The following DHPS variants were observed in gnomAD, a reference collection of about 807,000 sequenced individuals.
The protein encoded by DHPS is migration-inducing gene 13.
In DHPS, 24 loss-of-function variants were observed where a neutral mutation model predicts 38.7. That is an observed-to-expected ratio of 0.62 (90% CI 0.45 to 0.87). The LOEUF is 0.87. Ranked by LOEUF, DHPS falls within the 40% of genes least tolerant of loss-of-function variation. The pLI, the probability that DHPS is intolerant of heterozygous loss-of-function variation, is 0.00. For missense variants in DHPS, 510 were observed against 497.6 expected (o/e 1.02, Z -0.24); for synonymous variants, 250 against 204.4 (o/e 1.22, Z -1.90).
rs929374881 is a variant in DHPS at position 12,679,389 on chromosome 19, G to C, written c.678+68C>G. 3.5e-6 allele frequency: 5 copies of C among 1,411,798 alleles called. No individual in the cohort carries two copies. The East Asian group carries it at 1.1e-4, about 32-fold the overall frequency. The allele number at this position is 1,411,798 out of a possible 1,614,324, so 87.5% of individuals were successfully genotyped here. A position where few individuals can be genotyped will look rare whatever the true frequency, so the allele number is the denominator to read the frequency against. ...GAATAACAGTACTGAATCCCCAGGA[G>C]GCTGGAAAGATGAAATAAGTTAACA... On this transcript the variant is annotated intron_variant, in intron 5 of 8. Transcript: ENST00000210060.
chr19:12,680,573 A>AT (rs1279845259), intron 1 of DHPS, among the ~76,000 whole-genome samples: 5 of 137,430 alleles, frequency 3.6e-5, no homozygotes, highest in African/African-American at 1.4e-4. Context: ...CACTCTTGTT[A>AT]CCCAGGCTAG....
At chr19:12,681,093 A>T in intron 1 of DHPS, 1 of 1,262,436 alleles carries the variant, frequency 7.9e-7, no homozygotes, top group Non-Finnish European at 1.0e-6. Context: ...CGGCTTCCCA[A>T]AATGCTGGGA....
At position 12,675,962 on chromosome 19, in the gene DHPS, T is replaced by C. The variant is rs371183613; in HGVS notation, c.1015-29A>G. 1.5e-5 allele frequency: 24 copies of C among 1,603,412 alleles called. No homozygotes were observed. The East Asian group carries it at 3.1e-4, about 21-fold the overall frequency. ...GGTAGGGGGGAACCTGGGTAAGCCA[T>C]GGGACCCACACTCATCGTCCCAGAG... On this transcript the variant is annotated intron_variant, in intron 8 of 8. Coordinates refer to ENST00000210060, the MANE Select transcript of DHPS (RefSeq NM_001930.4).
intron 4 of DHPS, 23 bp from the exon 5 acceptor site, chr19:12,679,566 G>C (rs1204774186): frequency 1.2e-6 from 2 of 1,614,102 alleles, no homozygotes; most frequent in Non-Finnish European, 1.7e-6. Context: ...GTGACCTTCA[G>C]GCCATGCCTC....
At chr19:12,676,795 G>A (rs1237647928) in intron 7 of DHPS, 6 of 405,498 alleles carry the variant, frequency 1.5e-5, no homozygotes, top group East Asian at 5.2e-5. Flanking sequence ...CTCCTGGCAC[G>A]GGAGACAACC....
intron 7 of DHPS, 54 bp from the exon 8 acceptor site, chr19:12,676,196 C>CAG (rs201984417): frequency 1.9e-6 from 3 of 1,557,846 alleles, no homozygotes; most frequent in African/African-American, 1.4e-5. Flanking sequence ...AGGAGACAGA[C>CAG]ACAGAGGGAG....
chr19:12,678,482 T>G (rs569109143), intron 5 of DHPS, among the ~76,000 whole-genome samples: 1 of 149,766 alleles, frequency 6.7e-6, no homozygotes, highest in Non-Finnish European at 1.5e-5. Flanking sequence ...AAAGAAAGAG[T>G]AAGTAGGCTG....
At chr19:12,681,049 G>A (rs1003651932) in intron 1 of DHPS, 2 of 1,038,914 alleles carry the variant, frequency 1.9e-6, no homozygotes, top group Admixed American at 2.8e-5. Context: ...GGCCAGGCTT[G>A]TCTCGAACTC....
intron 1 of DHPS, 95 bp downstream of exon 1, chr19:12,681,465 A>G: frequency 7.2e-7 from 1 of 1,394,754 alleles, no homozygotes; most frequent in Non-Finnish European, 9.9e-7. Context: ...TAAAAGACAT[A>G]TCCCCTCCAC....
chr19:12,681,463 A>G, intron 1 of DHPS, 97 bp downstream of exon 1: 1 of 1,385,854 alleles, frequency 7.2e-7, no homozygotes, highest in East Asian at 2.4e-5. Context: ...AATAAAAGAC[A>G]TATCCCCTCC....
In DHPS at chr19:12,675,927, C is replaced by T. The variant is rs532677547; in HGVS notation, c.1021G>A (p.Ala341Thr). Reference protein sequence around the residue: ...RVDAQPVKVYADASLVFPLLV... With the variant: ...RVDAQPVKVYTDASLVFPLLV... ...AGGGGGAAGACCAGGGAGGCGTCAG[C>T]ATAGACCTGGGTAGGGGGGAACCTG... Residue 341 changes from alanine to threonine, a missense_variant, in exon 9 of 9, where the codon GCT (alanine) becomes ACT (threonine). Physicochemically the swap from Ala to Thr is moderately conservative, Grantham distance 58. Transcript: ENST00000210060. The T allele has an allele frequency of 5.0e-6, 8 of 1,606,978 alleles. No homozygotes were observed. In the South Asian group the frequency reaches 7.8e-5, roughly 16 times the overall value.
downstream of DHPS, among the ~76,000 whole-genome samples, chr19:12,674,867 G>A (rs1158292605): frequency 6.6e-6 from 1 of 152,150 alleles, no homozygotes; most frequent in East Asian, 1.9e-4. Flanking sequence ...TGTAATCCCA[G>A]CACTTTGGGA....
At position 12,679,845 on chromosome 19, in the gene DHPS, C is replaced by T; in HGVS notation, c.450G>A (p.Glu150=). Residue 150 remains glutamate (E), a synonymous_variant, in exon 3 of 9, where the codon GAG becomes GAA. Coordinates refer to ENST00000210060, the MANE Select transcript of DHPS (RefSeq NM_001930.4). ...IKCLAPTYLG[E]FSLRGKELRE... is the part of the protein sequence containing the mutation. Reference sequence around the variant, plus strand: ...GGAGCTCCTTCCCCCTGAGGCTAAACTCGCCCAAGTATGTGGGCGCCAGGC... The same window carrying T: ...GGAGCTCCTTCCCCCTGAGGCTAAATTCGCCCAAGTATGTGGGCGCCAGGC... 1 of 1,614,202 alleles carries T rather than the reference C, an allele frequency of 6.2e-7. No homozygotes were observed. The highest frequency in any genetic ancestry group is 8.5e-7 in the Non-Finnish European group (1 of 1,180,030).
chr19:12,675,970 ACACT>A (rs761941722), intron 8 of DHPS, 37 bp from the exon 9 acceptor site: 1 of 1,606,338 alleles, frequency 6.2e-7, no homozygotes, highest in South Asian at 1.1e-5. Context: ...CATGGGACCC[ACACT>A]CATCGTCCCA....
intron 5 of DHPS, among the ~76,000 whole-genome samples, chr19:12,678,647 T>C (rs1056319148): frequency 1.1e-4 from 17 of 151,110 alleles, no homozygotes; most frequent in African/African-American, 3.9e-4. Context: ...TGGGTGCCTA[T>C]AGTCCCAGCT....
At chr19:12,680,545 T>C (rs1012298177) in intron 1 of DHPS, among the ~76,000 whole-genome samples, 2 of 151,726 alleles carry the variant, frequency 1.3e-5, no homozygotes, top group Non-Finnish European at 2.9e-5. Context: ...CTTTTTTTTT[T>C]TTTTTTGGAC....
intron 7 of DHPS, 197 bp downstream of exon 7, chr19:12,676,911 G>A: frequency 3.4e-6 from 2 of 594,264 alleles, no homozygotes; most frequent in Admixed American, 2.8e-5. Context: ...CTCTTCTCAT[G>A]CCATCATTTA....
At position 12,681,842 on chromosome 19, in the gene DHPS, G is replaced by A. The variant is rs973189930; in HGVS notation, c.-76C>T. ...GCGGCCCAGAAACGCGTTAAACCCC[G>A]ACGCGCGCGTCTCCGCAAGAGCACA... is the stretch of plus-strand genomic sequence containing the variant. On this transcript the variant is annotated 5_prime_UTR_variant, in exon 1 of 9. Coordinates refer to ENST00000210060, the MANE Select transcript of DHPS (RefSeq NM_001930.4). The A allele has an allele frequency of 7.7e-7, 1 of 1,304,846 alleles. No individual in the cohort carries two copies. Among genetic ancestry groups the A allele is most frequent in the African/African-American group, 1.5e-5 (1 of 68,844 alleles). The allele number at this position is 1,304,846 out of a possible 1,614,324, so 80.8% of individuals were successfully genotyped here. A position where few individuals can be genotyped will look rare whatever the true frequency, so the allele number is the denominator to read the frequency against.
chr19:12,681,474 A>G, intron 1 of DHPS, 86 bp downstream of exon 1: 1 of 1,472,634 alleles, frequency 6.8e-7, no homozygotes, highest in South Asian at 1.2e-5. Context: ...TATCCCCTCC[A>G]CTGGAAACGC....
Sources: gnomAD v4.1 joint callset for allele counts (sites outside exome capture counted in the v4.1 genomes callset) on GRCh38, gnomAD v4.1.1 for gene constraint, MANE v1.5 for transcripts, NCBI Gene and HGNC (gene_info 2026-07-23, HGNC 2026-07-21) for gene names.